Variants in B3GALT1 observed in about 807,000 individuals in gnomAD.
B3GALT1 encodes beta-1,3-galactosyltransferase 1.
B3GALT1 carries 10 observed loss-of-function variants against 23.2 expected under a neutral mutation model. That is an observed-to-expected ratio of 0.43 (90% confidence interval 0.27 to 0.73). The LOEUF (loss-of-function observed/expected upper bound fraction) is 0.73, where lower values mean the gene tolerates loss of function less well. Among genes scored for constraint, B3GALT1 ranks in the 30% least tolerant of loss-of-function variants. B3GALT1 has a pLI of 0.21. For missense variants in B3GALT1, 299 were observed against 405.4 expected, an observed-to-expected ratio of 0.74 and a Z score of 2.25; for synonymous variants, 156 against 141.5, an observed-to-expected ratio of 1.10 and a Z score of -0.73.
chr2:167,814,201 T>A (rs2105356132), intron 3 of B3GALT1, among the ~76,000 whole-genome samples: 1 of 152,376 alleles, frequency 6.6e-6, no homozygotes, highest in Admixed American at 6.5e-5. Context: ...ACTTATTAGA[T>A]ACTTCTTTGA....
intron 1 of B3GALT1, among the ~76,000 whole-genome samples, chr2:167,387,791 G>A (rs1697950440): frequency 6.6e-6 from 1 of 152,200 alleles, no homozygotes; most frequent in East Asian, 1.9e-4. Context: ...AATAGTTAGT[G>A]TTAATCTCTA....
At chr2:167,383,794 C>T (rs73021717) in intron 1 of B3GALT1, among the ~76,000 whole-genome samples, 2,032 of 152,280 alleles carry the variant, frequency 0.013, 53 homozygotes, top group African/African-American at 0.047. Flanking sequence ...ACCTCACAGC[C>T]GTTTGCAATA....
At chr2:167,664,498 G>C (rs1475289864) in intron 3 of B3GALT1, among the ~76,000 whole-genome samples, 1 of 152,138 alleles carries the variant, frequency 6.6e-6, no homozygotes, top group Non-Finnish European at 1.5e-5. Flanking sequence ...ATTCTGTGAA[G>C]AAAGTCATTG....
chr2:167,766,633 G>C (rs1687980943), intron 3 of B3GALT1, among the ~76,000 whole-genome samples: 3 of 152,142 alleles, frequency 2.0e-5, no homozygotes, highest in Non-Finnish European at 4.4e-5. Context: ...AAAGAATTCA[G>C]AAGGAGCCAA....
chr2:167,617,975 T>C (rs1685189887), intron 2 of B3GALT1, among the ~76,000 whole-genome samples: 1 of 152,116 alleles, frequency 6.6e-6, no homozygotes, highest in Non-Finnish European at 1.5e-5. Flanking sequence ...TTAGAAGTTT[T>C]TATTTACCAC....
intron 2 of B3GALT1, among the ~76,000 whole-genome samples, chr2:167,623,548 A>G (rs188938750): frequency 9.3e-4 from 141 of 152,192 alleles, no homozygotes; most frequent in African/African-American, 3.4e-3. Flanking sequence ...TGGGAGTTGA[A>G]CAATGAGAAC....
chr2:167,628,229 G>A (rs1685378261), intron 2 of B3GALT1, among the ~76,000 whole-genome samples: 1 of 151,530 alleles, frequency 6.6e-6, no homozygotes, highest in Non-Finnish European at 1.5e-5. Flanking sequence ...GTTCCGTTGT[G>A]AATTGGAGAG....
At chr2:167,643,645 T>C (rs1558934894) in intron 2 of B3GALT1, among the ~76,000 whole-genome samples, 2 of 152,136 alleles carry the variant, frequency 1.3e-5, no homozygotes, top group African/African-American at 4.8e-5. Context: ...GTCATCATGC[T>C]AAATGGGAGA....
In B3GALT1 at chr2:167,855,305, A is replaced by G. The variant is rs550223015; in HGVS notation, c.-229-13506A>G. 2.9e-4 allele frequency among the ~76,000 whole-genome samples: 44 copies of G among 152,284 alleles called. No individual in the cohort carries two copies. The South Asian group carries it at 2.9e-3, about 10-fold the overall frequency. The stretch of plus-strand genomic sequence containing the variant: ...CAGAATATGGTGTATAGACCTACAT[A>G]TTACAGTTTGATAGACTTGTATTCA... On this transcript the variant is annotated intron_variant, in intron 4 of 4. Transcript: ENST00000392690.
chr2:167,830,505 G>A (rs1345868926), intron 4 of B3GALT1, among the ~76,000 whole-genome samples: 1 of 152,058 alleles, frequency 6.6e-6, no homozygotes, highest in East Asian at 1.9e-4. Flanking sequence ...GTCCACAATT[G>A]TGAACTGTCA....
At position 167,669,435 on chromosome 2, in the gene B3GALT1, C is replaced by T. The variant is rs145697697; in HGVS notation, c.-352+22469C>T. ...TTTTTTTCTCTGTTTTCCCAAGAAA[C>T]GAAGAAATCAGATATGGAGAGGAAT... On this transcript the variant is annotated intron_variant, in intron 3 of 4. Coordinates refer to ENST00000392690, the MANE Select transcript of B3GALT1 (RefSeq NM_020981.4). 9.5e-4 allele frequency among the ~76,000 whole-genome samples: 145 copies of T among 151,974 alleles called. 1 individual carries two copies. Among genetic ancestry groups the T allele is most frequent in the East Asian group, 8.5e-3 (44 of 5,174 alleles).
At chr2:167,299,396 T>A (rs770407309) in intron 1 of B3GALT1, among the ~76,000 whole-genome samples, 5 of 152,222 alleles carry the variant, frequency 3.3e-5, no homozygotes, top group Admixed American at 2.0e-4. Context: ...GCCTCCTCAA[T>A]TCTGTATCTG....
At chr2:167,588,973 C>G (rs941786754) in intron 2 of B3GALT1, among the ~76,000 whole-genome samples, 2 of 150,238 alleles carry the variant, frequency 1.3e-5, no homozygotes, top group Non-Finnish European at 3.0e-5. Flanking sequence ...GGTGGGTTCT[C>G]ACTCTGTTGC....
At chr2:167,850,920 C>T (rs1689872071) in intron 4 of B3GALT1, among the ~76,000 whole-genome samples, 1 of 152,048 alleles carries the variant, frequency 6.6e-6, no homozygotes, top group South Asian at 2.1e-4. Context: ...CACTAAAGAA[C>T]TTTCTCCTGT....
chr2:167,471,559 T>C (rs1239463962), intron 1 of B3GALT1, among the ~76,000 whole-genome samples: 1 of 152,150 alleles, frequency 6.6e-6, no homozygotes, highest in African/African-American at 2.4e-5. Flanking sequence ...CTATAAAAGC[T>C]ACAGGGTGTC....
chr2:167,461,681 A>G (rs886990726), intron 1 of B3GALT1, among the ~76,000 whole-genome samples: 5 of 152,126 alleles, frequency 3.3e-5, no homozygotes, highest in African/African-American at 9.6e-5. Context: ...GTAAAATGTA[A>G]TTTCCTTGAG....
intron 3 of B3GALT1, among the ~76,000 whole-genome samples, chr2:167,761,283 C>T (rs1259787085): frequency 2.6e-5 from 4 of 152,114 alleles, no homozygotes; most frequent in Non-Finnish European, 4.4e-5. Context: ...GCATCATTTC[C>T]CTCAGAACAT....
chr2:167,616,236 A>T (rs1685159266), intron 2 of B3GALT1, among the ~76,000 whole-genome samples: 1 of 152,036 alleles, frequency 6.6e-6, no homozygotes, highest in Admixed American at 6.6e-5. Context: ...GAGTGTGGTA[A>T]TAGGAACTCT....
At chr2:167,567,175 G>T (rs931781271) in intron 2 of B3GALT1, among the ~76,000 whole-genome samples, 1 of 152,082 alleles carries the variant, frequency 6.6e-6, no homozygotes, top group Non-Finnish European at 1.5e-5. Context: ...GAGTGTGGCT[G>T]TATAAAATTG....
Sources: allele counts gnomAD v4.1 joint callset (sites outside exome capture counted in the v4.1 genomes callset), GRCh38; gene constraint gnomAD v4.1.1; transcripts MANE v1.5; gene names NCBI Gene and HGNC (gene_info 2026-07-23, HGNC 2026-07-21).